The following EHBP1 variants were observed in gnomAD, a reference collection of about 807,000 sequenced individuals.
EHBP1 encodes EH domain-binding protein 1.
Under a neutral mutation model 144.0 loss-of-function variants are expected in EHBP1, and 55 were observed. That is an observed-to-expected ratio of 0.38 (90% confidence interval 0.31 to 0.48). The LOEUF (loss-of-function observed/expected upper bound fraction) is 0.48, where lower values mean the gene tolerates loss of function less well. Among genes scored for constraint, EHBP1 ranks in the 20% least tolerant of loss-of-function variants. The pLI is 0.98. For synonymous variants in EHBP1, 469 were observed against 472.7 expected (o/e 0.99, Z 0.10); for missense variants, 1,200 against 1,364.2 (o/e 0.88, Z 1.90).
At chr2:62,865,264 GT>G (rs1377775921) in intron 9 of EHBP1, among the ~76,000 whole-genome samples, 3 of 151,958 alleles carry the variant, frequency 2.0e-5, no homozygotes, top group African/African-American at 7.3e-5. Context: ...TGGTATTTAG[GT>G]TTTTGGTTTT....
chr2:62,973,741 TG>T (rs2058592104), intron 14 of EHBP1, among the ~76,000 whole-genome samples: 1 of 152,204 alleles, frequency 6.6e-6, no homozygotes, highest in Admixed American at 6.5e-5. Flanking sequence ...GGCTCATGCC[TG>T]TAATCCCTAC....
intron 19 of EHBP1, among the ~76,000 whole-genome samples, chr2:63,004,629 A>T (rs2059966599): frequency 6.6e-6 from 1 of 152,146 alleles, no homozygotes; most frequent in African/African-American, 2.4e-5. Flanking sequence ...GGTTTTTAAT[A>T]GCTTGAGTCA....
intron 2 of EHBP1, among the ~76,000 whole-genome samples, chr2:62,727,434 G>A (rs2036933054): frequency 6.6e-6 from 1 of 151,742 alleles, no homozygotes; most frequent in Non-Finnish European, 1.5e-5. Context: ...ACATTTTTGT[G>A]AAAAAATCCC....
chr2:62,820,593 A>G (rs1326408058), intron 5 of EHBP1, among the ~76,000 whole-genome samples: 1 of 151,382 alleles, frequency 6.6e-6, no homozygotes, highest in African/African-American at 2.4e-5. Context: ...AAGTAGAATC[A>G]TATAATATTT....
chr2:62,695,512 C>T (rs1422335989), intron 1 of EHBP1, among the ~76,000 whole-genome samples: 1 of 152,034 alleles, frequency 6.6e-6, no homozygotes, highest in African/African-American at 2.4e-5. Context: ...CAGAATAGAT[C>T]CAGAATCAGA....
intron 7 of EHBP1, among the ~76,000 whole-genome samples, chr2:62,857,123 C>T (rs1010809198): frequency 6.6e-6 from 1 of 152,124 alleles, no homozygotes; most frequent in South Asian, 2.1e-4. Flanking sequence ...TGCAGCCTAT[C>T]GAACTTCCTA....
chr2:63,033,324 C>T (rs1392019292), intron 19 of EHBP1, among the ~76,000 whole-genome samples: 2 of 152,060 alleles, frequency 1.3e-5, no homozygotes, highest in African/African-American at 4.8e-5. Flanking sequence ...TTTAGCTTTG[C>T]TATGTTCTGT....
At chr2:62,977,432 C>A (rs1235144905) in intron 14 of EHBP1, among the ~76,000 whole-genome samples, 10 of 152,138 alleles carry the variant, frequency 6.6e-5, no homozygotes, top group Admixed American at 6.6e-4. Context: ...ACCTAACCAC[C>A]AACTTCGATC....
Position 62,849,033 on chromosome 2 carries a change from C to T in EHBP1, c.635-10136C>T, listed in dbSNP as rs547215587. 7.2e-5 allele frequency among the ~76,000 whole-genome samples: 11 copies of T among 152,224 alleles called. No homozygotes were observed. In the South Asian group the frequency reaches 2.1e-3, roughly 29 times the overall value. On this transcript the variant is annotated intron_variant, in intron 7 of 22. Transcript: ENST00000431489. The stretch of plus-strand genomic sequence containing the variant: ...GGTATAGCTGGTCTCCTGACTGTGT[C>T]CTAATGAATTAATACCTCCCAATAT...
chr2:62,738,901 C>T (rs1199266374), intron 2 of EHBP1, among the ~76,000 whole-genome samples: 1 of 152,008 alleles, frequency 6.6e-6, no homozygotes, highest in Non-Finnish European at 1.5e-5. Flanking sequence ...TCTTTTTCTT[C>T]TTTTTAGCCT....
At chr2:62,695,423 A>C (rs1187790322) in intron 1 of EHBP1, among the ~76,000 whole-genome samples, 4 of 152,218 alleles carry the variant, frequency 2.6e-5, no homozygotes, top group African/African-American at 9.6e-5. Context: ...TTATGTTACA[A>C]AATTCAGAAG....
intron 2 of EHBP1, among the ~76,000 whole-genome samples, chr2:62,729,532 T>TATATAATATATATTATATATAATATATA (rs1403702020): frequency 2.8e-5 from 3 of 107,678 alleles, no homozygotes; most frequent in South Asian, 2.4e-4. Flanking sequence ...AAATATAATA[T>TATATAATATATATTATATATAATATATA]ATATAATATA....
chr2:62,878,900 C>T (rs2051123883), intron 10 of EHBP1, among the ~76,000 whole-genome samples: 2 of 151,600 alleles, frequency 1.3e-5, no homozygotes, highest in African/African-American at 4.9e-5. Context: ...CGCCTGTAGT[C>T]CCAGCTACTT....
chr2:62,764,353 CT>C lies in EHBP1; in HGVS notation c.255del (p.Phe85LeufsTer18). 6.4e-7 allele frequency: 1 copy of C among 1,572,382 alleles called. No homozygotes were observed. Among genetic ancestry groups the C allele is most frequent in the Non-Finnish European group, 8.6e-7 (1 of 1,163,938 alleles). ...VPENIEITVT[L>X]FKDPHAEEFE... ...TGAAAACATTGAAATCACTGTAACA[CT>C]TTTTAAGGTAAGTTCCATTTTTATA... On this transcript the variant is annotated frameshift_variant, in exon 4 of 23. Transcript: ENST00000431489. LOFTEE classifies it high-confidence loss of function.
At chr2:63,020,272 C>T (rs1157512333) in intron 19 of EHBP1, among the ~76,000 whole-genome samples, 1 of 143,098 alleles carries the variant, frequency 7.0e-6, no homozygotes, top group East Asian at 2.0e-4. Flanking sequence ...TGCAGTGAGC[C>T]GAAATCATGC....
intron 7 of EHBP1, among the ~76,000 whole-genome samples, chr2:62,854,630 A>C (rs2048905293): frequency 6.6e-6 from 1 of 152,208 alleles, no homozygotes; most frequent in African/African-American, 2.4e-5. Flanking sequence ...TTATTGATGA[A>C]GTTTGCCATC....
At chr2:62,955,698 A>C in intron 14 of EHBP1, 38 bp downstream of exon 14, 5 of 1,574,590 alleles carry the variant, frequency 3.2e-6, no homozygotes, top group Non-Finnish European at 4.3e-6. Flanking sequence ...TAAGTTGTTC[A>C]TTGTAATCAT....
At chr2:62,788,291 C>A (rs996860409) in intron 5 of EHBP1, among the ~76,000 whole-genome samples, 1 of 152,024 alleles carries the variant, frequency 6.6e-6, no homozygotes, top group Non-Finnish European at 1.5e-5. Context: ...ATTTAAATCA[C>A]CCAACTTCTG....
chr2:62,872,584 A>G (rs1226170044), intron 9 of EHBP1, among the ~76,000 whole-genome samples: 1 of 152,114 alleles, frequency 6.6e-6, no homozygotes, highest in Admixed American at 6.5e-5. Flanking sequence ...TATAGCACTT[A>G]AAAAAATTGA....
Sources: allele counts gnomAD v4.1 joint callset (sites outside exome capture counted in the v4.1 genomes callset), GRCh38; gene constraint gnomAD v4.1.1; transcripts MANE v1.5; gene names NCBI Gene and HGNC (gene_info 2026-07-23, HGNC 2026-07-21).